The following EYA1 variants were observed in gnomAD, a reference collection of about 807,000 sequenced individuals.
EYA1 encodes EYA transcriptional coactivator and phosphatase 1, also known as protein phosphatase EYA1.
A neutral mutation model predicts 82.0 loss-of-function variants in EYA1; 16 were observed. The ratio of observed to expected loss-of-function variants is 0.20; its 90% CI spans 0.13 to 0.30. The LOEUF is 0.30. Among genes scored for constraint, EYA1 ranks in the 10% least tolerant of loss-of-function variants. EYA1 has a pLI of 1.00. For missense variants in EYA1, 633 were observed against 730.7 expected, an observed-to-expected ratio of 0.87 and a Z score of 1.54; for synonymous variants, 261 against 264.4, an observed-to-expected ratio of 0.99 and a Z score of 0.12.
intron 9 of EYA1, among the ~76,000 whole-genome samples, chr8:71,275,148 C>T (rs1349459651): frequency 6.6e-6 from 1 of 152,108 alleles, no homozygotes; most frequent in African/African-American, 2.4e-5. Flanking sequence ...GGAGACCGGC[C>T]AGGAGGATAA....
chr8:71,524,814 G>GA lies in EYA1; in HGVS notation c.33+10929dup, dbSNP rs1160885641. ...GACTATGGACAGCATATTTCAAAAT[G>GA]AAAAAAACCAATTAAATAAAATCAG... is the stretch of plus-strand genomic sequence containing the variant. On this transcript the variant is annotated intron_variant, in intron 2 of 18. Transcript: ENST00000643681. 6.6e-5 allele frequency among the ~76,000 whole-genome samples: 10 copies of GA among 152,112 alleles called. No individual in the cohort carries two copies. In the South Asian group the frequency reaches 1.2e-3, roughly 19 times the overall value.
chr8:71,267,781 C>T (rs1012239037), intron 11 of EYA1, among the ~76,000 whole-genome samples: 1 of 152,142 alleles, frequency 6.6e-6, no homozygotes, highest in Non-Finnish European at 1.5e-5. Context: ...ATCTCCTGAC[C>T]TCGTGATCCA....
At chr8:71,273,105 TTC>T (rs1816742104) in intron 9 of EYA1, among the ~76,000 whole-genome samples, 2 of 152,182 alleles carry the variant, frequency 1.3e-5, no homozygotes, top group African/African-American at 4.8e-5. Context: ...CAGAATAAAT[TTC>T]TGTTTCTAAA....
In EYA1 at chr8:71,458,756, A is replaced by T. The variant is rs113966181; in HGVS notation, c.33+76988T>A. Among the ~76,000 whole-genome samples the T allele has an allele frequency of 2.2e-3, 333 of 152,248 alleles. 2 individuals carry two copies. Among genetic ancestry groups the T allele is most frequent in the African/African-American group, 7.6e-3 (315 of 41,560 alleles). On this transcript the variant is annotated intron_variant, in intron 2 of 18. Coordinates refer to the EYA1 transcript ENST00000643681. ...TGGGGTAGATCAGGCTTACAGGAAG[A>T]GCTCCTGAGTCCAATTTTGTACACG...
intron 2 of EYA1, among the ~76,000 whole-genome samples, chr8:71,379,034 A>C (rs1472256219): frequency 3.3e-5 from 5 of 152,306 alleles, no homozygotes; most frequent in African/African-American, 1.2e-4. Flanking sequence ...GGCCTCCTCA[A>C]GCATGAAAAT....
intron 16 of EYA1, among the ~76,000 whole-genome samples, chr8:71,213,158 T>A (rs1049915359): frequency 2.6e-5 from 4 of 152,170 alleles, no homozygotes; most frequent in African/African-American, 9.7e-5. Flanking sequence ...ACCACATATT[T>A]TTTTTCTGTA....
intron 9 of EYA1, among the ~76,000 whole-genome samples, chr8:71,285,236 G>A (rs1052350644): frequency 6.6e-6 from 1 of 152,220 alleles, no homozygotes; most frequent in Non-Finnish European, 1.5e-5. Flanking sequence ...AGAGAAGTGT[G>A]CTTTCTTAGT....
intron 2 of EYA1, among the ~76,000 whole-genome samples, chr8:71,508,318 G>A (rs533470034): frequency 6.6e-6 from 1 of 152,254 alleles, no homozygotes; most frequent in Non-Finnish European, 1.5e-5. Context: ...CTGTCGCCCA[G>A]GCTGGAGTGC....
intron 11 of EYA1, among the ~76,000 whole-genome samples, chr8:71,256,196 T>C (rs796094869): frequency 7.9e-5 from 12 of 152,294 alleles, no homozygotes; most frequent in African/African-American, 2.9e-4. Context: ...GATCCCACAA[T>C]TCCCCTTCTG....
chr8:71,484,977 GC>G (rs1810451813), intron 2 of EYA1, among the ~76,000 whole-genome samples: 1 of 152,216 alleles, frequency 6.6e-6, no homozygotes, highest in Non-Finnish European at 1.5e-5. Flanking sequence ...GCCTCTAGCA[GC>G]CTTCAACTGC....
chr8:71,463,586 TC>T (rs1808537975), intron 2 of EYA1, among the ~76,000 whole-genome samples: 1 of 31,320 alleles, frequency 3.2e-5, no homozygotes, highest in Non-Finnish European at 5.0e-5. Context: ...TCTCTCTCTC[TC>T]TCTCTCTCTC....
chr8:71,523,804 G>A lies in EYA1; in HGVS notation c.33+11940C>T, dbSNP rs145606863. On this transcript the variant is annotated intron_variant, in intron 2 of 18. Transcript: ENST00000643681. Reference sequence around the variant, plus strand: ...CTGGCTCATAGTTTAAATTCCAAACGAGTAAGAAACATGTATATCAATTTT... The same window carrying A: ...CTGGCTCATAGTTTAAATTCCAAACAAGTAAGAAACATGTATATCAATTTT... 2.7e-3 allele frequency among the ~76,000 whole-genome samples: 411 copies of A among 152,228 alleles called. 2 individuals are homozygous for A. Among genetic ancestry groups the A allele is most frequent in the African/African-American group, 8.2e-3 (341 of 41,538 alleles).
chr8:71,364,122 T>C (rs952395241), upstream of EYA1, among the ~76,000 whole-genome samples: 1 of 151,984 alleles, frequency 6.6e-6, no homozygotes. Flanking sequence ...TGAAGAAAAT[T>C]AGTAAAATCA....
chr8:71,547,652 G>C (rs1815760210), intron 1 of EYA1: 1 of 151,824 alleles, frequency 6.6e-6, no homozygotes, highest in African/African-American at 2.4e-5. Context: ...GGGCCCAGGG[G>C]CATCAGCAGC....
At chr8:71,362,314 GC>G, upstream of EYA1, 2 of 584,474 alleles carry the variant, frequency 3.4e-6, no homozygotes, top group Non-Finnish European at 4.3e-6. Context: ...AAATGAACGC[GC>G]CCCACGCTAT....
At chr8:71,302,136 T>G (rs574385248) in intron 7 of EYA1, among the ~76,000 whole-genome samples, 37 of 152,282 alleles carry the variant, frequency 2.4e-4, no homozygotes, top group African/African-American at 8.9e-4. Flanking sequence ...GAGGAAAAAT[T>G]ACCTTGGGTT....
At chr8:71,534,336 G>A (rs1462690954) in intron 2 of EYA1, among the ~76,000 whole-genome samples, 6 of 152,114 alleles carry the variant, frequency 3.9e-5, no homozygotes, top group Non-Finnish European at 5.9e-5. Flanking sequence ...GGTTGAATTC[G>A]TTTTCTGTTT....
chr8:71,347,928 C>A (rs1279731392), intron 3 of EYA1, among the ~76,000 whole-genome samples: 1 of 140,298 alleles, frequency 7.1e-6, no homozygotes, highest in Admixed American at 7.2e-5. Flanking sequence ...GTAAAACTAG[C>A]AAATTACCAT....
intron 2 of EYA1, among the ~76,000 whole-genome samples, chr8:71,392,648 G>T (rs1373756068): frequency 6.6e-6 from 1 of 152,134 alleles, no homozygotes; most frequent in Non-Finnish European, 1.5e-5. Flanking sequence ...ATTCTCACCT[G>T]CTGTATAATT....
Sources: allele counts gnomAD v4.1 joint callset (sites outside exome capture counted in the v4.1 genomes callset), GRCh38; gene constraint gnomAD v4.1.1; transcripts MANE v1.5; gene names NCBI Gene and HGNC (gene_info 2026-07-23, HGNC 2026-07-21).